ZNF609: variants seen among roughly 807,000 people sequenced by gnomAD.
ZNF609 encodes the protein zinc finger protein 609.
A neutral mutation model predicts 109.5 loss-of-function variants in ZNF609; 11 were observed. That is an observed-to-expected ratio of 0.10 (90% CI 0.06 to 0.17). ZNF609 has a LOEUF of 0.17. Ranked by LOEUF, ZNF609 falls within the 10% of genes least tolerant of loss-of-function variation. The pLI is 1.00. For missense variants in ZNF609, 1,559 were observed against 1,772.4 expected, an observed-to-expected ratio of 0.88 and a Z score of 2.16; for synonymous variants, 646 against 662.0, an observed-to-expected ratio of 0.98 and a Z score of 0.37.
intron 2 of ZNF609, among the ~76,000 whole-genome samples, chr15:64,578,880 G>C (rs1474404594): frequency 4.6e-5 from 7 of 152,092 alleles, no homozygotes; most frequent in Non-Finnish European, 8.8e-5. Context: ...TGTGCGTGTA[G>C]TCCTGGCTAC....
At chr15:64,645,032 T>TCTTC (rs1567038008) in intron 3 of ZNF609, among the ~76,000 whole-genome samples, 1 of 130,628 alleles carries the variant, frequency 7.7e-6, no homozygotes, top group East Asian at 2.1e-4. Flanking sequence ...TTCCTTCCTT[T>TCTTC]CTTCCTTCCT....
chr15:64,465,826 C>A (rs560751519), intron 1 of ZNF609, among the ~76,000 whole-genome samples: 1 of 151,702 alleles, frequency 6.6e-6, no homozygotes, highest in African/African-American at 2.4e-5. Context: ...ATCTTAAAAA[C>A]GGATATAGGC....
chr15:64,483,269 A>G (rs1460661580), intron 1 of ZNF609, among the ~76,000 whole-genome samples: 2 of 151,858 alleles, frequency 1.3e-5, no homozygotes, highest in African/African-American at 2.4e-5. Context: ...CTAATTTTGT[A>G]TTTTTAGTGG....
At chr15:64,537,882 C>T (rs1313889371) in intron 2 of ZNF609, among the ~76,000 whole-genome samples, 1 of 152,102 alleles carries the variant, frequency 6.6e-6, no homozygotes, top group East Asian at 1.9e-4. Context: ...GGGCGGATCA[C>T]CTGAGGCCAG....
At chr15:64,636,507 C>T (rs1380495544) in intron 3 of ZNF609, among the ~76,000 whole-genome samples, 1 of 152,202 alleles carries the variant, frequency 6.6e-6, no homozygotes, top group African/African-American at 2.4e-5. Context: ...TGGTGAACAA[C>T]CTGCATTCTC....
rs2083228014 is a variant in ZNF609, at chr15:64,684,198, G to C, written c.*2512G>C. On this transcript the variant is annotated 3_prime_UTR_variant, in exon 10 of 10. Transcript: ENST00000326648. Reference sequence around the variant, plus strand: ...GCTGCCCACCTCTACATGGGGAGGAGAAACACAGGTGGGAGCTACCTGTGG... The same window carrying C: ...GCTGCCCACCTCTACATGGGGAGGACAAACACAGGTGGGAGCTACCTGTGG... The C allele has an allele frequency of 6.6e-6, 1 of 152,150 alleles. No individual in the cohort carries two copies. The highest frequency in any genetic ancestry group is 1.5e-5 in the Non-Finnish European group (1 of 68,046). 9.4% of individuals were successfully genotyped at this position (152,150 alleles called of 1,614,324 possible). A position where few individuals can be genotyped will look rare whatever the true frequency, so the allele number is the denominator to read the frequency against.
chr15:64,466,169 C>T (rs1477733072), intron 1 of ZNF609, among the ~76,000 whole-genome samples: 1 of 139,374 alleles, frequency 7.2e-6, no homozygotes, highest in Non-Finnish European at 1.6e-5. Context: ...TTTCCTATAA[C>T]TTGGGAAAAG....
chr15:64,648,709 C>G (rs1023901213), intron 3 of ZNF609, among the ~76,000 whole-genome samples: 1 of 127,572 alleles, frequency 7.8e-6, no homozygotes, highest in South Asian at 2.4e-4. Context: ...AAGTTGTATG[C>G]ATTATTGGAA....
At chr15:64,671,105 G>A (rs912095456) in intron 4 of ZNF609, among the ~76,000 whole-genome samples, 64 of 149,898 alleles carry the variant, frequency 4.3e-4, no homozygotes, top group African/African-American at 1.5e-3. Context: ...AGCTACTCGG[G>A]AGGCTGAGGC....
chr15:64,538,793 C>A (rs1314142616), intron 2 of ZNF609, among the ~76,000 whole-genome samples: 1 of 152,152 alleles, frequency 6.6e-6, no homozygotes, highest in East Asian at 1.9e-4. Flanking sequence ...TGATCCACTG[C>A]CTCGACCTCC....
intron 2 of ZNF609, among the ~76,000 whole-genome samples, chr15:64,589,757 C>A (rs1220623480): frequency 6.6e-6 from 1 of 152,112 alleles, no homozygotes; most frequent in Non-Finnish European, 1.5e-5. Flanking sequence ...CAGGAATATA[C>A]TTTTTTGTGA....
In ZNF609 at chr15:64,634,194, G is replaced by A. The variant is rs78852827; in HGVS notation, c.973+11142G>A. 7.9e-3 allele frequency among the ~76,000 whole-genome samples: 1,203 copies of A among 152,220 alleles called. 15 individuals are homozygous for A. Among genetic ancestry groups the A allele is most frequent in the African/African-American group, 0.027 (1,137 of 41,530 alleles). ...TCTAAACAGACCCATGGTGACTTCTGTGTACTCTGGCCCCTGTTACCCAGG... is the reference window on the plus strand; with the variant it reads ...TCTAAACAGACCCATGGTGACTTCTATGTACTCTGGCCCCTGTTACCCAGG... On this transcript the variant is annotated intron_variant, in intron 3 of 9. Coordinates refer to ENST00000326648, the MANE Select transcript of ZNF609 (RefSeq NM_015042.2).
At chr15:64,520,465 A>G (rs770200233) in intron 2 of ZNF609, among the ~76,000 whole-genome samples, 3 of 152,180 alleles carry the variant, frequency 2.0e-5, no homozygotes, top group Non-Finnish European at 2.9e-5. Context: ...CATATATGAT[A>G]TATGTAGTTT....
chr15:64,594,550 C>G (rs28375144), intron 2 of ZNF609, among the ~76,000 whole-genome samples: 112,381 of 151,346 alleles, frequency 0.74, 45,242 homozygotes, highest in East Asian at 0.96. Context: ...GTTGCCCAGC[C>G]TGGTCTCTAA....
intron 2 of ZNF609, among the ~76,000 whole-genome samples, chr15:64,577,522 CAT>C (rs1327352277): frequency 5.2e-4 from 25 of 47,812 alleles, no homozygotes; most frequent in African/African-American, 1.5e-3. Flanking sequence ...TATATATACA[CAT>C]ATAAATATAT....
rs982135176 is a variant in ZNF609, at chr15:64,586,415, G to T, written c.748-36412G>T. Among the ~76,000 whole-genome samples the T allele has an allele frequency of 3.3e-5, 5 of 152,064 alleles. No individual in the cohort carries two copies. In the East Asian group the frequency reaches 7.7e-4, roughly 23 times the overall value. ...CCTTGATAGCTGCAGACTGGTACTG[G>T]TCCATGGCCTGTTAGGAACCTGGTC... On this transcript the variant is annotated intron_variant, in intron 2 of 9. Coordinates refer to ENST00000326648, the MANE Select transcript of ZNF609 (RefSeq NM_015042.2).
At position 64,582,287 on chromosome 15, in the gene ZNF609, A is replaced by G. The variant is rs923652466; in HGVS notation, c.748-40540A>G. On this transcript the variant is annotated intron_variant, in intron 2 of 9. Coordinates refer to ENST00000326648, the MANE Select transcript of ZNF609 (RefSeq NM_015042.2). ...TCAAAGCCTAAGGTATTTATTGTCT[A>G]ACCCTTTACAGAGTTTACTGACTCC... 2.6e-5 allele frequency among the ~76,000 whole-genome samples: 4 copies of G among 152,312 alleles called. No individual in the cohort carries two copies. In the East Asian group the frequency reaches 7.7e-4, roughly 29 times the overall value.
At chr15:64,638,214 A>G (rs1896205658) in intron 3 of ZNF609, among the ~76,000 whole-genome samples, 1 of 151,596 alleles carries the variant, frequency 6.6e-6, no homozygotes, top group East Asian at 1.9e-4. Context: ...TAAACCAGTT[A>G]ACCTGTGTGG....
At chr15:64,461,213 G>A (rs1431403939) in intron 1 of ZNF609, among the ~76,000 whole-genome samples, 2 of 125,816 alleles carry the variant, frequency 1.6e-5, no homozygotes, top group Non-Finnish European at 3.6e-5. Context: ...CAGGGAGTTG[G>A]CGGGGGAGGG....
Sources: allele counts gnomAD v4.1 joint callset (sites outside exome capture counted in the v4.1 genomes callset), GRCh38; gene constraint gnomAD v4.1.1; transcripts MANE v1.5; gene names NCBI Gene and HGNC (gene_info 2026-07-23, HGNC 2026-07-21).